VMP1: variants seen among roughly 807,000 people sequenced by gnomAD.
VMP1 encodes ectopic P-granules autophagy protein 3 homolog.
VMP1 carries 11 observed loss-of-function variants against 56.0 expected under a neutral mutation model. That is an observed-to-expected ratio of 0.20 (90% CI 0.12 to 0.32). The LOEUF is 0.32. VMP1 is among the 10% of genes least tolerant of loss of function. The probability of loss-of-function intolerance (pLI) is 1.00; values close to 1 mark genes in which losing one functional copy is unlikely to be tolerated. For synonymous variants in VMP1, 149 were observed against 165.0 expected (o/e 0.90, Z 0.74); for missense variants, 296 against 490.3 (o/e 0.60, Z 3.74).
intron 1 of VMP1, among the ~76,000 whole-genome samples, chr17:59,710,753 A>C (rs1270700069): frequency 6.6e-6 from 1 of 152,174 alleles, no homozygotes; most frequent in African/African-American, 2.4e-5. Flanking sequence ...ACACGTGTCT[A>C]CTGTGAATGT....
At chr17:59,779,062 T>C (rs781419330) in intron 7 of VMP1, among the ~76,000 whole-genome samples, 2 of 152,200 alleles carry the variant, frequency 1.3e-5, no homozygotes, top group African/African-American at 2.4e-5. Flanking sequence ...TAAGCTATGA[T>C]GTTTGGTAGG....
chr17:59,752,402 C>G (rs2035688758), intron 5 of VMP1, among the ~76,000 whole-genome samples: 1 of 152,140 alleles, frequency 6.6e-6, no homozygotes, highest in Admixed American at 6.6e-5. Flanking sequence ...AGCTAGCTGT[C>G]TTCTAAGGAT....
At chr17:59,720,898 G>A (rs1249034617) in intron 1 of VMP1, among the ~76,000 whole-genome samples, 1 of 151,580 alleles carries the variant, frequency 6.6e-6, no homozygotes, top group Admixed American at 6.6e-5. Context: ...GCTTGAACCC[G>A]GGAAGCAGAG....
At chr17:59,815,855 CAA>C (rs71145576) in intron 9 of VMP1, among the ~76,000 whole-genome samples, 2 of 106,398 alleles carry the variant, frequency 1.9e-5, no homozygotes, top group African/African-American at 4.1e-5. Context: ...GACTCCGTCT[CAA>C]AAAAAAAAAA....
chr17:59,773,642 A>G (rs2036517631), intron 6 of VMP1, 112 bp from the exon 7 acceptor site: 5 of 1,063,780 alleles, frequency 4.7e-6, no homozygotes, highest in South Asian at 1.8e-5. Context: ...CTTTCCCCCA[A>G]TATATTGCAT....
chr17:59,784,174 G>A (rs2036928672), intron 7 of VMP1, among the ~76,000 whole-genome samples: 2 of 151,534 alleles, frequency 1.3e-5, no homozygotes, highest in African/African-American at 2.4e-5. Flanking sequence ...GGGAGGAAGG[G>A]AGAGGGAGAG....
chr17:59,810,210 G>A (rs531210750), intron 8 of VMP1, among the ~76,000 whole-genome samples: 9 of 152,178 alleles, frequency 5.9e-5, no homozygotes, highest in African/African-American at 1.9e-4. Context: ...CTGGAGTGCA[G>A]TGGCGAGATC....
At chr17:59,717,133 C>G (rs2034189906) in intron 1 of VMP1, among the ~76,000 whole-genome samples, 2 of 152,114 alleles carry the variant, frequency 1.3e-5, no homozygotes, top group Non-Finnish European at 2.9e-5. Flanking sequence ...GCGCCCACCA[C>G]CACGCCCGGC....
chr17:59,781,307 C>T (rs2036814492), intron 7 of VMP1, among the ~76,000 whole-genome samples: 1 of 152,052 alleles, frequency 6.6e-6, no homozygotes, highest in Non-Finnish European at 1.5e-5. Context: ...TTCTTACATT[C>T]CAAAAGTATT....
intron 5 of VMP1, among the ~76,000 whole-genome samples, chr17:59,740,148 T>C (rs1015250545): frequency 6.6e-6 from 1 of 151,490 alleles, no homozygotes; most frequent in African/African-American, 2.4e-5. Flanking sequence ...CATTCACAAA[T>C]ATACTGGAAT....
chr17:59,748,728 C>T (rs1266788138), intron 5 of VMP1, among the ~76,000 whole-genome samples: 1 of 151,980 alleles, frequency 6.6e-6, no homozygotes, highest in Non-Finnish European at 1.5e-5. Context: ...TTTAGCTGGT[C>T]TTAACAAATT....
intron 9 of VMP1, among the ~76,000 whole-genome samples, chr17:59,816,771 C>T (rs1170547750): frequency 2.6e-5 from 4 of 151,154 alleles, no homozygotes; most frequent in Non-Finnish European, 5.9e-5. Context: ...CATGGTGAAA[C>T]CCCATCTATA....
chr17:59,788,777 G>T (rs143630344), intron 7 of VMP1, among the ~76,000 whole-genome samples: 2,055 of 148,334 alleles, frequency 0.014, 42 homozygotes, highest in African/African-American at 0.043. Context: ...CTGCACTCCA[G>T]CCTGGGCAAC....
chr17:59,749,146 A>G (rs1180105950), intron 5 of VMP1, among the ~76,000 whole-genome samples: 1 of 146,916 alleles, frequency 6.8e-6, no homozygotes, highest in Non-Finnish European at 1.5e-5. Context: ...TTTATTAGAG[A>G]CGGGGTTTCA....
intron 7 of VMP1, among the ~76,000 whole-genome samples, chr17:59,802,529 A>G (rs1357094291): frequency 1.3e-5 from 2 of 152,132 alleles, no homozygotes; most frequent in Admixed American, 1.3e-4. Flanking sequence ...CCAAGTATAC[A>G]TTTATCTTCG....
chr17:59,732,165 C>T (rs533351395), intron 2 of VMP1, among the ~76,000 whole-genome samples: 1 of 151,972 alleles, frequency 6.6e-6, no homozygotes, highest in Non-Finnish European at 1.5e-5. Context: ...AAATAATACT[C>T]TAGTGTGGTA....
In VMP1 at chr17:59,754,987, G is replaced by T. The variant is rs112360988; in HGVS notation, c.415-9984G>T. Among the ~76,000 whole-genome samples the T allele has an allele frequency of 9.8e-5, 3 of 30,520 alleles. 1 individual carries two copies. The highest frequency in any genetic ancestry group is 3.7e-4 in the African/African-American group (3 of 8,092). The allele number at this position is 30,520 out of a possible 152,430, so 20.0% of individuals were successfully genotyped here. On this transcript the variant is annotated intron_variant, in intron 5 of 11. Coordinates refer to ENST00000262291, the MANE Select transcript of VMP1 (RefSeq NM_030938.5). The stretch of plus-strand genomic sequence containing the variant: ...TAAACAATTTATACTAGCCCCCCCC[G>T]CCCTTTTTTAACAGCTCTCATAAAT...
chr17:59,809,908 G>A (rs942918574), intron 8 of VMP1, among the ~76,000 whole-genome samples: 3 of 151,920 alleles, frequency 2.0e-5, no homozygotes, highest in African/African-American at 7.3e-5. Context: ...AGACCTAAAT[G>A]GCTTAAATCA....
chr17:59,814,088 C>A (rs1238673949), intron 9 of VMP1, among the ~76,000 whole-genome samples: 2 of 152,244 alleles, frequency 1.3e-5, no homozygotes, highest in African/African-American at 4.8e-5. Flanking sequence ...TCAAACGATT[C>A]TTTTGTTTCA....
Sources: allele counts gnomAD v4.1 joint callset (sites outside exome capture counted in the v4.1 genomes callset), GRCh38; gene constraint gnomAD v4.1.1; transcripts MANE v1.5; gene names NCBI Gene and HGNC (gene_info 2026-07-23, HGNC 2026-07-21).